The following SLC25A26 variants were observed in gnomAD, a reference collection of about 807,000 sequenced individuals.
SLC25A26 encodes solute carrier family 25 member 26, also known as mitochondrial S-adenosylmethionine carrier protein.
In SLC25A26, 36 loss-of-function variants were observed where a neutral mutation model predicts 37.8. The observed-to-expected ratio is 0.95, with a 90% CI of 0.73 to 1.26. The LOEUF (loss-of-function observed/expected upper bound fraction) is 1.26. Ranked by LOEUF, SLC25A26 falls within the 50% of genes most tolerant of loss-of-function variation. SLC25A26 has a pLI of 0.00. For synonymous variants in SLC25A26, 129 were observed against 122.5 expected, an observed-to-expected ratio of 1.05 and a Z score of -0.35; for missense variants, 390 against 331.1, an observed-to-expected ratio of 1.18 and a Z score of -1.38.
At chr3:66,250,872 G>A (rs532387979) in intron 3 of SLC25A26, among the ~76,000 whole-genome samples, 1 of 152,150 alleles carries the variant, frequency 6.6e-6, no homozygotes. Context: ...AACACAATGT[G>A]GGATACGTAT....
intron 1 of SLC25A26, among the ~76,000 whole-genome samples, chr3:66,231,358 TAG>T (rs1489212955): frequency 6.6e-6 from 1 of 152,016 alleles, no homozygotes; most frequent in Non-Finnish European, 1.5e-5. Flanking sequence ...ACCAGTAAAT[TAG>T]AGATTTTTTT....
chr3:66,258,939 C>T (rs989584978), intron 3 of SLC25A26, among the ~76,000 whole-genome samples: 2 of 151,516 alleles, frequency 1.3e-5, no homozygotes, highest in African/African-American at 4.9e-5. Context: ...CAGAACATCT[C>T]AGTTGTACTA....
At chr3:66,181,780 C>CTT (rs922019884) in intron 1 of SLC25A26, among the ~76,000 whole-genome samples, 20,441 of 96,906 alleles carry the variant, frequency 0.21, 2,796 homozygotes, top group African/African-American at 0.34. Flanking sequence ...CTCCCCTTGT[C>CTT]TTTTTTTTTT....
intron 5 of SLC25A26, among the ~76,000 whole-genome samples, chr3:66,286,670 G>T (rs540591993): frequency 3.3e-5 from 5 of 151,976 alleles, no homozygotes; most frequent in African/African-American, 1.2e-4. Context: ...CTTTCCCTTC[G>T]TTTTTTAATT....
intron 1 of SLC25A26, 139 bp downstream of exon 1, chr3:66,221,266 G>A (rs1001124091): frequency 1.1e-6 from 1 of 945,776 alleles, no homozygotes; most frequent in Non-Finnish European, 1.5e-6. Flanking sequence ...GTCTGAGAGG[G>A]AGCACGAGGC....
At chr3:66,239,442 C>T (rs1226540083) in intron 2 of SLC25A26, among the ~76,000 whole-genome samples, 1 of 152,156 alleles carries the variant, frequency 6.6e-6, no homozygotes. Context: ...AGGCAGATGT[C>T]CTTTCTGCTC....
intron 1 of SLC25A26, among the ~76,000 whole-genome samples, chr3:66,221,395 G>A (rs1325447411): frequency 6.6e-6 from 1 of 152,162 alleles, no homozygotes; most frequent in Non-Finnish European, 1.5e-5. Flanking sequence ...TTAAAAAAGA[G>A]CTTCTATTAT....
At position 66,230,828 on chromosome 3, in the gene SLC25A26, A is replaced by C. The variant is rs890275559; in HGVS notation, c.34-5716A>C. ...CTCAAAAAAAAAAAAAACAAAAAAA[A>C]ACCAGAATTTTAGACTGAGAGAAAA... On this transcript the variant is annotated intron_variant, in intron 1 of 9. Transcript: ENST00000354883. Among the ~76,000 whole-genome samples the C allele has an allele frequency of 5.4e-4, 81 of 148,646 alleles. 3 individuals carry two copies. Among genetic ancestry groups the C allele is most frequent in the South Asian group, 1.9e-3 (9 of 4,728 alleles).
intron 1 of SLC25A26, among the ~76,000 whole-genome samples, chr3:66,227,602 TTAAGTA>T (rs1553661205): frequency 6.6e-6 from 1 of 152,160 alleles, no homozygotes; most frequent in Admixed American, 6.5e-5. Context: ...TTCATGTTAT[TTAAGTA>T]AATCATGGTA....
intron 5 of SLC25A26, among the ~76,000 whole-genome samples, chr3:66,303,839 A>C (rs951149767): frequency 6.6e-6 from 1 of 152,188 alleles, no homozygotes; most frequent in African/African-American, 2.4e-5. Context: ...ATCTGAGGCT[A>C]GGGTCCTCTT....
chr3:66,220,812 A>G, upstream of SLC25A26: 1 of 518,990 alleles, frequency 1.9e-6, no homozygotes. Context: ...TTTGCTCGCG[A>G]AAGTTCCTCC....
chr3:66,274,681 C>G (rs1182841316), intron 5 of SLC25A26, among the ~76,000 whole-genome samples: 27 of 152,180 alleles, frequency 1.8e-4, no homozygotes, highest in African/African-American at 6.0e-4. Context: ...CAGATAAATG[C>G]AAATCAAAAC....
upstream of SLC25A26, among the ~76,000 whole-genome samples, chr3:66,219,121 T>C (rs1383083345): frequency 6.6e-6 from 1 of 152,182 alleles, no homozygotes; most frequent in African/African-American, 2.4e-5. Context: ...GGGAGTGCCA[T>C]TGGCACCAGG....
chr3:66,215,460 C>G (rs1283685091), intron 1 of SLC25A26, among the ~76,000 whole-genome samples: 2 of 152,172 alleles, frequency 1.3e-5, no homozygotes, highest in Admixed American at 6.5e-5. Flanking sequence ...CTCAGTCTCA[C>G]ACAGTTCTGT....
chr3:66,278,619 C>T (rs532774517), intron 5 of SLC25A26, among the ~76,000 whole-genome samples: 1 of 152,194 alleles, frequency 6.6e-6, no homozygotes, highest in South Asian at 2.1e-4. Context: ...CTGTCTCATC[C>T]TAGCATTCCA....
intron 1 of SLC25A26, among the ~76,000 whole-genome samples, chr3:66,156,076 G>C (rs1245409021): frequency 6.6e-6 from 1 of 152,164 alleles, no homozygotes; most frequent in Non-Finnish European, 1.5e-5. Context: ...GCCCCTCACT[G>C]TTCAGGGGCT....
At chr3:66,276,859 T>C (rs1452948590) in intron 5 of SLC25A26, among the ~76,000 whole-genome samples, 1 of 151,412 alleles carries the variant, frequency 6.6e-6, no homozygotes, top group Non-Finnish European at 1.5e-5. Context: ...AAACTGACAT[T>C]ATAGAAGAAC....
At chr3:66,231,143 C>A (rs2072007553) in intron 1 of SLC25A26, among the ~76,000 whole-genome samples, 1 of 152,240 alleles carries the variant, frequency 6.6e-6, no homozygotes, top group African/African-American at 2.4e-5. Flanking sequence ...CCACTGCACT[C>A]CAGATGGGGT....
intron 5 of SLC25A26, among the ~76,000 whole-genome samples, chr3:66,344,231 G>A (rs1472861359): frequency 6.6e-6 from 1 of 152,120 alleles, no homozygotes; most frequent in Non-Finnish European, 1.5e-5. Context: ...ACCAGGCCAA[G>A]GTGGGCGGAT....
Sources: gnomAD v4.1 joint callset for allele counts (sites outside exome capture counted in the v4.1 genomes callset) on GRCh38, gnomAD v4.1.1 for gene constraint, MANE v1.5 for transcripts, NCBI Gene and HGNC (gene_info 2026-07-23, HGNC 2026-07-21) for gene names.